NEK10: variants seen among roughly 807,000 people sequenced by gnomAD.
NEK10 encodes the protein NIMA related kinase 10.
A neutral mutation model predicts 159.8 loss-of-function variants in NEK10; 122 were observed. The ratio of observed to expected loss-of-function variants is 0.76; its 90% CI spans 0.66 to 0.89. The LOEUF is 0.89. Among genes scored for constraint, NEK10 ranks in the 40% least tolerant of loss-of-function variants. NEK10 has a pLI of 0.00. For missense variants in NEK10, 1,342 were observed against 1,323.1 expected, an observed-to-expected ratio of 1.01 and a Z score of -0.22; for synonymous variants, 466 against 457.1, an observed-to-expected ratio of 1.02 and a Z score of -0.25.
intron 18 of NEK10, 88 bp downstream of exon 18, chr3:27,291,174 G>A: frequency 8.2e-7 from 1 of 1,221,930 alleles, no homozygotes; most frequent in South Asian, 1.5e-5. Context: ...TCAATGACAA[G>A]AGTTCTAATT....
At chr3:27,170,675 T>A (rs1448333179) in intron 29 of NEK10, among the ~76,000 whole-genome samples, 1 of 152,108 alleles carries the variant, frequency 6.6e-6, no homozygotes, top group Non-Finnish European at 1.5e-5. Context: ...GAGGTTGCAG[T>A]GATCACGCCA....
intron 31 of NEK10, among the ~76,000 whole-genome samples, chr3:27,133,847 T>A (rs534225669): frequency 1.3e-5 from 2 of 152,344 alleles, no homozygotes; most frequent in South Asian, 4.1e-4. Context: ...AATAAGACTC[T>A]TCTGGAGATA....
intron 6 of NEK10, among the ~76,000 whole-genome samples, chr3:27,318,867 A>C (rs2045408949): frequency 6.6e-6 from 1 of 152,218 alleles, no homozygotes; most frequent in South Asian, 2.1e-4. Context: ...CAGCAACAAC[A>C]AAAAGATAGT....
At chr3:27,259,087 T>C (rs1329831402) in intron 22 of NEK10, among the ~76,000 whole-genome samples, 1 of 152,160 alleles carries the variant, frequency 6.6e-6, no homozygotes, top group Non-Finnish European at 1.5e-5. Context: ...ATTGTAAATT[T>C]GAGGGAGTTC....
chr3:27,345,943 A>C lies in NEK10; in HGVS notation c.263+143T>G, dbSNP rs1575848721. The C allele has an allele frequency of 1.6e-5, 12 of 729,380 alleles. No individual in the cohort carries two copies. The East Asian group carries it at 3.3e-4, about 20-fold the overall frequency. The allele number at this position is 729,380 out of a possible 1,614,324, so 45.2% of individuals were successfully genotyped here. ...TATTATTTCTGGGAATGGTTTAAGC[A>C]CTAACTGAAAATATTAAATTAAGAA... On this transcript the variant is annotated intron_variant, in intron 4 of 35. Coordinates refer to ENST00000691995, the MANE Select transcript of NEK10 (RefSeq NM_001394966.1).
Position 27,132,001 on chromosome 3 carries a change from T to G in NEK10, c.2971-11A>C, listed in dbSNP as rs757219643. 1 of 1,487,736 alleles carries G rather than the reference T, an allele frequency of 6.7e-7. No homozygotes were observed. Among genetic ancestry groups the G allele is most frequent in the South Asian group, 1.1e-5 (1 of 87,250 alleles). The allele number at this position is 1,487,736 out of a possible 1,614,324, so 92.2% of individuals were successfully genotyped here. A position where few individuals can be genotyped will look rare whatever the true frequency, so the allele number is the denominator to read the frequency against. On this transcript the variant is annotated splice_polypyrimidine_tract_variant and intron_variant, in intron 31 of 35. Transcript: ENST00000691995. Reference sequence around the variant, plus strand: ...CAAAGCTGGAGGAAGCTGCATAAAATAAGAAAACAATCATTATAAACAAAT... The same window carrying G: ...CAAAGCTGGAGGAAGCTGCATAAAAGAAGAAAACAATCATTATAAACAAAT...
chr3:27,229,481 A>G (rs563601081), intron 23 of NEK10, among the ~76,000 whole-genome samples: 2 of 152,320 alleles, frequency 1.3e-5, no homozygotes, highest in South Asian at 4.1e-4. Flanking sequence ...CACCCCCAAA[A>G]GATCACACGA....
At chr3:27,192,677 CT>C (rs1435156404) in intron 25 of NEK10, among the ~76,000 whole-genome samples, 1 of 151,612 alleles carries the variant, frequency 6.6e-6, no homozygotes, top group East Asian at 1.9e-4. Flanking sequence ...GATGTTTAAG[CT>C]GCTTCAAGGT....
intron 23 of NEK10, among the ~76,000 whole-genome samples, chr3:27,251,842 T>C (rs1955701707): frequency 6.6e-6 from 1 of 152,146 alleles, no homozygotes; most frequent in Admixed American, 6.5e-5. Flanking sequence ...TTACTCACTG[T>C]TGTAGTAACT....
intron 30 of NEK10, among the ~76,000 whole-genome samples, chr3:27,158,625 A>G (rs1400238139): frequency 6.6e-6 from 1 of 152,238 alleles, no homozygotes; most frequent in Non-Finnish European, 1.5e-5. Flanking sequence ...AATGCAGTGC[A>G]TAAGAACCCA....
At position 27,304,747 on chromosome 3, in the gene NEK10, C is replaced by G. The variant is rs1481400001; in HGVS notation, c.1028G>C (p.Gly343Ala). 3 of 1,605,310 alleles carry G rather than the reference C, an allele frequency of 1.9e-6. No homozygotes were observed. In the South Asian group the frequency reaches 3.3e-5, roughly 18 times the overall value. Reference protein sequence around the residue: ...GIKQLLHILQGDRNFVSDHSS... With the variant: ...GIKQLLHILQADRNFVSDHSS... The stretch of plus-strand genomic sequence containing the variant: ...TAGGCCAAAGCCCACTTTTACTCAC[C>G]CTTGTAAAATATGAAGAAGCTGTTT... The change falls in exon 12 of 36, where the codon GGA (glycine) becomes GCA (alanine). Residue 343 changes from glycine to alanine, a missense_variant and splice_region_variant. By Grantham distance (60) the Gly-to-Ala change is moderately conservative. Transcript: ENST00000691995.
At chr3:27,205,221 T>C (rs1205062452) in intron 23 of NEK10, among the ~76,000 whole-genome samples, 1 of 150,966 alleles carries the variant, frequency 6.6e-6, no homozygotes, top group Non-Finnish European at 1.5e-5. Flanking sequence ...TACAAACAAA[T>C]GGATAAACAT....
chr3:27,222,001 T>C (rs1360191918), intron 23 of NEK10, among the ~76,000 whole-genome samples: 1 of 152,180 alleles, frequency 6.6e-6, no homozygotes, highest in Non-Finnish European at 1.5e-5. Flanking sequence ...AACTTCCAGA[T>C]AGTGGTTACC....
At chr3:27,146,517 C>T (rs1013348048) in intron 30 of NEK10, among the ~76,000 whole-genome samples, 1 of 152,218 alleles carries the variant, frequency 6.6e-6, no homozygotes, top group Non-Finnish European at 1.5e-5. Flanking sequence ...ATGAGCTTCT[C>T]TATATTGGAC....
At chr3:27,156,363 C>A (rs960308107) in intron 30 of NEK10, among the ~76,000 whole-genome samples, 1 of 152,064 alleles carries the variant, frequency 6.6e-6, no homozygotes, top group South Asian at 2.1e-4. Flanking sequence ...AGTAAACAGA[C>A]AACCCACAGA....
chr3:27,127,847 C>T (rs1292876733), intron 32 of NEK10, among the ~76,000 whole-genome samples: 2 of 152,076 alleles, frequency 1.3e-5, no homozygotes, highest in African/African-American at 4.8e-5. Flanking sequence ...CAGGCAATCC[C>T]TCTCCGCTTC....
chr3:27,317,540 T>C (rs1273822812), intron 6 of NEK10, among the ~76,000 whole-genome samples: 1 of 152,200 alleles, frequency 6.6e-6, no homozygotes. Flanking sequence ...AATTGTTCCT[T>C]TTTTAAAAAA....
At chr3:27,184,193 C>G (rs1423273432) in intron 26 of NEK10, among the ~76,000 whole-genome samples, 4 of 152,158 alleles carry the variant, frequency 2.6e-5, no homozygotes, top group African/African-American at 9.7e-5. Flanking sequence ...TGTTCATCAA[C>G]AGGACAGATA....
chr3:27,189,347 T>C (rs1948909755), intron 26 of NEK10, among the ~76,000 whole-genome samples: 1 of 152,132 alleles, frequency 6.6e-6, no homozygotes, highest in Non-Finnish European at 1.5e-5. Context: ...AAACCTTTAA[T>C]GTTTCTTATC....
Sources: allele counts gnomAD v4.1 joint callset (sites outside exome capture counted in the v4.1 genomes callset), GRCh38; gene constraint gnomAD v4.1.1; transcripts MANE v1.5; gene names NCBI Gene and HGNC (gene_info 2026-07-23, HGNC 2026-07-21).